HDLBP: variants seen among roughly 807,000 people sequenced by gnomAD.
HDLBP encodes high density lipoprotein binding protein, also known as vigilin.
A neutral mutation model predicts 137.3 loss-of-function variants in HDLBP; 30 were observed. That is an observed-to-expected ratio of 0.22 (90% CI 0.16 to 0.30). The LOEUF is 0.30. HDLBP is among the 10% of genes least tolerant of loss of function. The pLI is 1.00. For missense variants in HDLBP, 1,119 were observed against 1,667.3 expected, an observed-to-expected ratio of 0.67 and a Z score of 5.73; for synonymous variants, 606 against 596.0, an observed-to-expected ratio of 1.02 and a Z score of -0.24.
chr2:241,294,758 T>C (rs1293035019), intron 1 of HDLBP, among the ~76,000 whole-genome samples: 1 of 152,192 alleles, frequency 6.6e-6, no homozygotes, highest in Middle Eastern at 3.2e-3. Context: ...GAATGGTCTG[T>C]TCTAGGGATA....
At chr2:241,309,913 G>C (rs1457547803) in intron 1 of HDLBP, among the ~76,000 whole-genome samples, 3 of 152,216 alleles carry the variant, frequency 2.0e-5, no homozygotes, top group African/African-American at 7.2e-5. Context: ...AAGCTGACAA[G>C]GGTGCTGTAA....
At chr2:241,255,919 T>C (rs1471424826) in intron 7 of HDLBP, among the ~76,000 whole-genome samples, 1 of 152,252 alleles carries the variant, frequency 6.6e-6, no homozygotes, top group East Asian at 1.9e-4. Context: ...AAGTCCGGGA[T>C]GTGCATCTGA....
At chr2:241,289,396 T>C (rs981168473) in intron 1 of HDLBP, among the ~76,000 whole-genome samples, 1 of 152,232 alleles carries the variant, frequency 6.6e-6, no homozygotes, top group African/African-American at 2.4e-5. Flanking sequence ...AAACGCTTAC[T>C]TATATAACTG....
chr2:241,307,254 C>G (rs2075613350), intron 1 of HDLBP, among the ~76,000 whole-genome samples: 2 of 152,284 alleles, frequency 1.3e-5, no homozygotes, highest in South Asian at 4.1e-4. Context: ...AAAAGGCAAG[C>G]CCTAGAGTGG....
chr2:241,257,499 G>A (rs1440360666), intron 5 of HDLBP, among the ~76,000 whole-genome samples: 3 of 152,158 alleles, frequency 2.0e-5, no homozygotes, highest in African/African-American at 7.2e-5. Context: ...CCAAAGTGCT[G>A]GGATTGCAGG....
chr2:241,279,902 A>G, intron 1 of HDLBP: 1 of 985,210 alleles, frequency 1.0e-6, no homozygotes, highest in Non-Finnish European at 1.2e-6. Context: ...AGAGGTATAC[A>G]ATTTATGCAG....
intron 23 of HDLBP, among the ~76,000 whole-genome samples, chr2:241,234,445 C>T (rs549824621): frequency 6.6e-6 from 1 of 152,348 alleles, no homozygotes; most frequent in South Asian, 2.1e-4. Context: ...AGAGTCCACG[C>T]AGGGGTACAC....
Position 241,242,529 on chromosome 2 carries a change from A to T in HDLBP, c.2100T>A (p.Val700=). The change falls in exon 17 of 28, where the codon GTT becomes GTA. Residue 700 remains valine, a synonymous_variant. Coordinates refer to ENST00000310931, the MANE Select transcript of HDLBP (RefSeq NM_005336.6). ...CATCCGAGGAAGGGCCCCTGATAAC[A>T]ACGGTGTCGCTTCCTGAACCTTCCA... ...FPVEGSGSDT[V]VIRGPSSDVE... 6.2e-7 allele frequency: 1 copy of T among 1,614,112 alleles called. No individual in the cohort carries two copies. The highest frequency in any genetic ancestry group is 8.5e-7 in the Non-Finnish European group (1 of 1,180,024).
intron 1 of HDLBP, among the ~76,000 whole-genome samples, chr2:241,295,676 T>A (rs1163301786): frequency 6.6e-6 from 1 of 152,192 alleles, no homozygotes; most frequent in Admixed American, 6.5e-5. Flanking sequence ...TTTACTTTTC[T>A]TGGAAAAGGG....
intron 1 of HDLBP, chr2:241,270,937 G>T (rs1189080642): frequency 1.0e-6 from 1 of 970,956 alleles, no homozygotes; most frequent in Non-Finnish European, 1.2e-6. Context: ...GGATTGAAAG[G>T]AACCTCAGAT....
Position 241,227,587 on chromosome 2 carries a change from G to A in HDLBP, c.*2014C>T, listed in dbSNP as rs1020954378. On this transcript the variant is annotated 3_prime_UTR_variant, in exon 28 of 28. Coordinates refer to ENST00000310931, the MANE Select transcript of HDLBP (RefSeq NM_005336.6). ...ACAACCACCCAAAGGAAAAGAGAGC[G>A]CTGAACAGTTTAGGAAAGGGCTCGC... The A allele has an allele frequency of 3.9e-5, 6 of 152,650 alleles. No homozygotes were observed. Among genetic ancestry groups the A allele is most frequent in the Admixed American group, 2.0e-4 (3 of 15,270 alleles). 9.5% of individuals were successfully genotyped at this position (152,650 alleles called of 1,614,324 possible).
At chr2:241,297,295 G>A (rs74651980) in intron 1 of HDLBP, among the ~76,000 whole-genome samples, 6,859 of 152,208 alleles carry the variant, frequency 0.045, 563 homozygotes, top group Admixed American at 0.2. Flanking sequence ...GAGGAGCCTC[G>A]TTCCATACAG....
At chr2:241,307,874 ATT>A (rs202170688) in intron 1 of HDLBP, among the ~76,000 whole-genome samples, 10 of 141,226 alleles carry the variant, frequency 7.1e-5, no homozygotes, top group Admixed American at 1.4e-4. Flanking sequence ...CCTTGAACTA[ATT>A]TTTTTTTTTT....
In HDLBP at chr2:241,306,233, A is replaced by G. The variant is rs184444827; in HGVS notation, c.-103+9337T>C. Among the ~76,000 whole-genome samples, 29 of 152,136 alleles carry G rather than the reference A, an allele frequency of 1.9e-4. No homozygotes were observed. In the East Asian group the frequency reaches 5.4e-3, roughly 28 times the overall value. ...TTCTGAGGCATCTGTTTAAAAAAAAAAATGAAAAATGAAAAACCCACTCAG... is the reference window on the plus strand; with the variant it reads ...TTCTGAGGCATCTGTTTAAAAAAAAGAATGAAAAATGAAAAACCCACTCAG... On this transcript the variant is annotated intron_variant, in intron 1 of 27. Coordinates refer to ENST00000310931, the MANE Select transcript of HDLBP (RefSeq NM_005336.6).
chr2:241,255,448 T>G lies in HDLBP; in HGVS notation c.1006A>C (p.Ser336Arg). 3.1e-6 allele frequency: 5 copies of G among 1,614,226 alleles called. No homozygotes were observed. The highest frequency in any genetic ancestry group is 4.2e-6 in the Non-Finnish European group (5 of 1,180,014). Residue 336 changes from serine (S) to arginine (R), a missense_variant, in exon 8 of 28, where the codon AGC becomes CGC. By Grantham distance (110) the Ser-to-Arg change is moderately radical. Around this residue, in one of 4 missense-constraint regions of HDLBP, gnomAD observed 425 missense variants for 693.9 expected, o/e 0.61. Transcript: ENST00000310931. Reference sequence around the variant, plus strand: ...CGAAGTATTACAGTCTCAGAGATGCTGTCTGAGGGTGGGATCTCAACGGAA... The same window carrying G: ...CGAAGTATTACAGTCTCAGAGATGCGGTCTGAGGGTGGGATCTCAACGGAA... ...GVSVEIPPSD[S>R]ISETVILRGE...
Position 241,253,009 on chromosome 2 carries a change from G to A in HDLBP, c.1320C>T (p.Ile440=). 1 of 1,609,230 alleles carries A rather than the reference G, an allele frequency of 6.2e-7. No individual in the cohort carries two copies. The highest frequency in any genetic ancestry group is 1.7e-4 in the Middle Eastern group (1 of 6,054). ...GCCTGTGGAACTTGTGGTCGATGTT[G>A]ATCTCCACATAGTCCATCCGGTTAA... ...DLINRMDYVE[I]NIDHKFHRHL... Residue 440 remains isoleucine (I), a synonymous_variant, in exon 11 of 28, where the codon ATC becomes ATT. Transcript: ENST00000310931.
intron 1 of HDLBP, among the ~76,000 whole-genome samples, chr2:241,292,104 C>T (rs909120815): frequency 6.6e-6 from 1 of 152,186 alleles, no homozygotes; most frequent in Non-Finnish European, 1.5e-5. Flanking sequence ...AACCTACTGA[C>T]ACCGCACCCG....
intron 3 of HDLBP, 28 bp from the exon 4 acceptor site, chr2:241,264,633 A>AAGCACT: frequency 1.9e-6 from 3 of 1,606,954 alleles, no homozygotes; most frequent in Non-Finnish European, 2.6e-6. Flanking sequence ...GATTAAAAGG[A>AAGCACT]AGCACTACTT....
intron 1 of HDLBP, among the ~76,000 whole-genome samples, chr2:241,309,305 A>C (rs1472772537): frequency 6.6e-6 from 1 of 152,094 alleles, no homozygotes; most frequent in Non-Finnish European, 1.5e-5. Flanking sequence ...ACACACTTGC[A>C]TTTTCCTTAC....
Sources: allele counts gnomAD v4.1 joint callset (sites outside exome capture counted in the v4.1 genomes callset), GRCh38; gene constraint gnomAD v4.1.1; regional missense constraint gnomAD v4.1.1; transcripts MANE v1.5; gene names NCBI Gene and HGNC (gene_info 2026-07-23, HGNC 2026-07-21).